ANKRD11: variants seen among roughly 807,000 people sequenced by gnomAD.
ANKRD11 encodes the protein ankyrin repeat domain 11.
In ANKRD11, 17 loss-of-function variants were observed where a neutral mutation model predicts 195.7. The observed-to-expected ratio is 0.09, with a 90% CI of 0.06 to 0.13. ANKRD11 has a LOEUF of 0.13. Ranked by LOEUF, ANKRD11 falls within the 10% of genes least tolerant of loss-of-function variation. The probability of loss-of-function intolerance (pLI) is 1.00; values close to 1 mark genes in which losing one functional copy is unlikely to be tolerated. For missense variants in ANKRD11, 3,735 were observed against 3,566.1 expected (o/e 1.05, Z -1.21); for synonymous variants, 1,953 against 1,528.1 (o/e 1.28, Z -6.49).
intron 1 of ANKRD11, among the ~76,000 whole-genome samples, chr16:89,479,543 G>A (rs982264795): frequency 6.6e-6 from 1 of 152,070 alleles, no homozygotes. Context: ...GCTGAGGCAA[G>A]AGAATCATTT....
At chr16:89,443,537 C>G (rs899081986) in intron 1 of ANKRD11, 10 of 152,218 alleles carry the variant, frequency 6.6e-5, no homozygotes, top group Admixed American at 5.2e-4. Flanking sequence ...CACCACCCTG[C>G]ACCACTAGTA....
rs1162185480 is a variant in ANKRD11 at position 89,279,159 on chromosome 16, C to T, written c.7383G>A (p.Gln2461=). ...CGTACTCGGCGTAGCACTGGGGCGC[C>T]TGCGGCGTGATACAGCACAGGATCT... ...KRKILCCITP[Q]APQCYAEYVT... Residue 2461 remains glutamine, a synonymous_variant, in exon 9 of 13, where the codon CAG becomes CAA. Coordinates refer to ENST00000301030, the MANE Select transcript of ANKRD11 (RefSeq NM_013275.6). The surrounding 1 kb of genome is among the most constrained non-coding windows in gnomAD (Gnocchi z 5.6). The T allele has an allele frequency of 1.9e-6, 3 of 1,613,464 alleles. No homozygotes were observed. Among genetic ancestry groups the T allele is most frequent in the Admixed American group, 1.7e-5 (1 of 60,028 alleles).
Position 89,437,320 on chromosome 16 carries a change from G to C in ANKRD11, c.-144-18952C>G, listed in dbSNP as rs146172162. On this transcript the variant is annotated intron_variant, in intron 1 of 12. Transcript: ENST00000301030. ...AAAGCCACCAAAAAAATACCAAAAAGTGAAAGACTGTATTGTTTGCCCCAA... is the reference window on the plus strand; with the variant it reads ...AAAGCCACCAAAAAAATACCAAAAACTGAAAGACTGTATTGTTTGCCCCAA... Among the ~76,000 whole-genome samples the C allele has an allele frequency of 2.0e-5, 3 of 152,302 alleles. No homozygotes were observed. The East Asian group carries it at 5.8e-4, about 29-fold the overall frequency.
At chr16:89,323,869 T>C in intron 2 of ANKRD11, 1 of 217,314 alleles carries the variant, frequency 4.6e-6, no homozygotes, top group Non-Finnish European at 9.2e-6. Flanking sequence ...GTCCTCCGTC[T>C]CACCCCATAA....
At chr16:89,474,534 CCATGCTA>C (rs757206359) in intron 1 of ANKRD11, among the ~76,000 whole-genome samples, 2 of 152,070 alleles carry the variant, frequency 1.3e-5, no homozygotes, top group Non-Finnish European at 2.9e-5. Context: ...AAGCTTTCAT[CCATGCTA>C]CTTCCTTCCA....
chr16:89,359,474 C>A (rs879772824), intron 2 of ANKRD11, among the ~76,000 whole-genome samples: 8 of 152,208 alleles, frequency 5.3e-5, no homozygotes, highest in Admixed American at 1.3e-4. Flanking sequence ...CCCCTCGGCC[C>A]CCACTGCTTC....
At chr16:89,338,726 C>CAAAAAAAA (rs34799616) in intron 2 of ANKRD11, among the ~76,000 whole-genome samples, 2 of 43,790 alleles carry the variant, frequency 4.6e-5, no homozygotes, top group African/African-American at 1.0e-4. Flanking sequence ...CACTCAGTCT[C>CAAAAAAAA]AAAAAAAAAA....
At position 89,285,666 on chromosome 16, in the gene ANKRD11, G is replaced by A; in HGVS notation, c.893-17C>T. On this transcript the variant is annotated splice_polypyrimidine_tract_variant and intron_variant, in intron 8 of 12. Coordinates refer to ENST00000301030, the MANE Select transcript of ANKRD11 (RefSeq NM_013275.6). This position sits in a 1 kb window ranked among gnomAD's most constrained non-coding sequence, Gnocchi z 5.6. ...CTGAGCTCTCTGTTGGAGGTAGGAA[G>A]CGAGAGGTCACAGGCAGGCTCAAAA... is the stretch of plus-strand genomic sequence containing the variant. 6.2e-7 allele frequency: 1 copy of A among 1,613,756 alleles called. No individual in the cohort carries two copies. The highest frequency in any genetic ancestry group is 8.5e-7 in the Non-Finnish European group (1 of 1,179,612).
At chr16:89,431,785 C>T (rs1179497775) in intron 1 of ANKRD11, among the ~76,000 whole-genome samples, 1 of 152,292 alleles carries the variant, frequency 6.6e-6, no homozygotes, top group East Asian at 1.9e-4. Context: ...CAACTAGAGA[C>T]ACTGTCAATC....
chr16:89,271,399 CTAA>C (rs2033142334), intron 11 of ANKRD11: 1 of 239,754 alleles, frequency 4.2e-6, no homozygotes, highest in South Asian at 5.0e-5. Flanking sequence ...CCACGCCCAG[CTAA>C]TTTTGTATTT....
chr16:89,359,224 A>G (rs1248959717), intron 2 of ANKRD11, among the ~76,000 whole-genome samples: 2 of 152,186 alleles, frequency 1.3e-5, no homozygotes, highest in African/African-American at 2.4e-5. Flanking sequence ...CATCTTTAAC[A>G]TGAATGGTGC....
chr16:89,488,099 C>T (rs944008458), intron 1 of ANKRD11, among the ~76,000 whole-genome samples: 6 of 152,090 alleles, frequency 3.9e-5, no homozygotes, highest in African/African-American at 1.4e-4. Flanking sequence ...AAACAAAATT[C>T]TGGTAAATTG....
chr16:89,421,997 C>T (rs960393591), intron 1 of ANKRD11, among the ~76,000 whole-genome samples: 1 of 152,176 alleles, frequency 6.6e-6, no homozygotes, highest in Admixed American at 6.5e-5. Context: ...CCAGGAGGTA[C>T]TAATGGCGGC....
rs1363093974 is a variant in ANKRD11 at position 89,374,053 on chromosome 16, G to A, written c.-60+44231C>T. Among the ~76,000 whole-genome samples, 5 of 152,330 alleles carry A rather than the reference G, an allele frequency of 3.3e-5. No homozygotes were observed. In the East Asian group the frequency reaches 7.7e-4, roughly 23 times the overall value. ...TGCAAAGCCAGAGTGGAGACAACAC[G>A]CAAGTGTGAGGCCCGCAGAGAGGGG... On this transcript the variant is annotated intron_variant, in intron 2 of 12. Coordinates refer to ENST00000301030, the MANE Select transcript of ANKRD11 (RefSeq NM_013275.6).
intron 1 of ANKRD11, among the ~76,000 whole-genome samples, chr16:89,458,355 G>A (rs1251676328): frequency 6.6e-6 from 1 of 151,994 alleles, no homozygotes. Flanking sequence ...CTCCTGAGTA[G>A]CTGGGACTAC....
At chr16:89,393,936 T>C (rs2041313938) in intron 2 of ANKRD11, among the ~76,000 whole-genome samples, 1 of 152,180 alleles carries the variant, frequency 6.6e-6, no homozygotes, top group African/African-American at 2.4e-5. Context: ...TAATAGAGAC[T>C]AGTTTACTTG....
chr16:89,320,857 C>T (rs1409375251), intron 2 of ANKRD11, among the ~76,000 whole-genome samples: 1 of 152,272 alleles, frequency 6.6e-6, no homozygotes, highest in Non-Finnish European at 1.5e-5. Flanking sequence ...AGAGCCCCTG[C>T]AGCCCAGAGG....
intron 1 of ANKRD11, among the ~76,000 whole-genome samples, chr16:89,476,261 C>G (rs144540990): frequency 6.6e-6 from 1 of 152,098 alleles, no homozygotes; most frequent in African/African-American, 2.4e-5. Flanking sequence ...TTTGACATCC[C>G]TAAAGCCACC....
chr16:89,339,851 T>G (rs1354217835), intron 2 of ANKRD11: 1 of 152,204 alleles, frequency 6.6e-6, no homozygotes, highest in East Asian at 1.9e-4. Flanking sequence ...AGCATTCCTC[T>G]CGGCGCTTTG....
Sources: gnomAD v4.1 joint callset for allele counts (sites outside exome capture counted in the v4.1 genomes callset) on GRCh38, gnomAD v4.1.1 for gene constraint, Gnocchi (gnomAD v3.1) non-coding constraint, MANE v1.5 for transcripts, NCBI Gene and HGNC (gene_info 2026-07-23, HGNC 2026-07-21) for gene names.